Variants in CAMTA1 observed in about 807,000 individuals in gnomAD.
The protein encoded by CAMTA1 is calmodulin binding transcription activator 1.
In CAMTA1, 27 loss-of-function variants were observed where a neutral mutation model predicts 170.9. The observed-to-expected ratio is 0.16, with a 90% CI of 0.12 to 0.22. The LOEUF (loss-of-function observed/expected upper bound fraction) is 0.22. Among genes scored for constraint, CAMTA1 ranks in the 10% least tolerant of loss-of-function variants. The pLI is 1.00. For synonymous variants in CAMTA1, 833 were observed against 891.5 expected, an observed-to-expected ratio of 0.93 and a Z score of 1.17; for missense variants, 1,619 against 2,217.2, an observed-to-expected ratio of 0.73 and a Z score of 5.42.
At chr1:7,059,452 T>C (rs572140115) in intron 3 of CAMTA1, among the ~76,000 whole-genome samples, 3 of 152,074 alleles carry the variant, frequency 2.0e-5, no homozygotes, top group African/African-American at 7.2e-5. Flanking sequence ...ACCCCATCTC[T>C]ACAAAAGATT....
At chr1:7,387,269 C>T (rs2088116495) in intron 5 of CAMTA1, among the ~76,000 whole-genome samples, 1 of 152,132 alleles carries the variant, frequency 6.6e-6, no homozygotes, top group Non-Finnish European at 1.5e-5. Flanking sequence ...AACACCTCTT[C>T]ACCACCATTT....
At chr1:7,472,758 C>G (rs571199262) in intron 6 of CAMTA1, among the ~76,000 whole-genome samples, 1 of 152,130 alleles carries the variant, frequency 6.6e-6, no homozygotes, top group Non-Finnish European at 1.5e-5. Context: ...GCCATCACCC[C>G]CTAGAGCAGG....
At chr1:7,688,011 CTTTTT>C (rs70987364) in intron 11 of CAMTA1, among the ~76,000 whole-genome samples, 1 of 103,276 alleles carries the variant, frequency 9.7e-6, no homozygotes. Context: ...CTCATTATTC[CTTTTT>C]TTTTTTTTTT....
chr1:7,200,233 G>T (rs1013352876), intron 4 of CAMTA1, among the ~76,000 whole-genome samples: 3 of 152,110 alleles, frequency 2.0e-5, no homozygotes, highest in Non-Finnish European at 4.4e-5. Context: ...AAATATTTGA[G>T]AATAGATTGA....
At chr1:6,848,779 C>G (rs900520371) in intron 3 of CAMTA1, among the ~76,000 whole-genome samples, 2 of 152,064 alleles carry the variant, frequency 1.3e-5, no homozygotes, top group Non-Finnish European at 2.9e-5. Flanking sequence ...TTTGTAAATA[C>G]TTAGGGGAGT....
At chr1:7,071,081 T>G (rs963259750) in intron 3 of CAMTA1, among the ~76,000 whole-genome samples, 3 of 152,194 alleles carry the variant, frequency 2.0e-5, no homozygotes, top group Non-Finnish European at 4.4e-5. Context: ...GACTGATGGC[T>G]TGCTTAGGAG....
At chr1:6,796,912 G>A (rs1372290533) in intron 1 of CAMTA1, among the ~76,000 whole-genome samples, 1 of 152,172 alleles carries the variant, frequency 6.6e-6, no homozygotes, top group Non-Finnish European at 1.5e-5. Flanking sequence ...CTCTACTTTC[G>A]TGGGGGATTT....
At chr1:7,312,610 C>T (rs1403322042) in intron 5 of CAMTA1, among the ~76,000 whole-genome samples, 1 of 152,238 alleles carries the variant, frequency 6.6e-6, no homozygotes, top group Non-Finnish European at 1.5e-5. Context: ...AGGATGCTCA[C>T]TCCATCTTGC....
intron 11 of CAMTA1, among the ~76,000 whole-genome samples, chr1:7,687,294 A>G (rs1052721770): frequency 4.6e-5 from 7 of 151,338 alleles, no homozygotes; most frequent in African/African-American, 1.7e-4. Flanking sequence ...TGACCCATGG[A>G]GGCTAAGAAA....
At chr1:6,810,762 C>G (rs540080075) in intron 1 of CAMTA1, among the ~76,000 whole-genome samples, 126 of 152,180 alleles carry the variant, frequency 8.3e-4, no homozygotes, top group African/African-American at 2.9e-3. Context: ...TGAGATCGTG[C>G]CACTGTACTC....
intron 3 of CAMTA1, among the ~76,000 whole-genome samples, chr1:6,950,786 A>G (rs1688353499): frequency 1.3e-5 from 2 of 151,932 alleles, no homozygotes; most frequent in African/African-American, 2.4e-5. Context: ...AGCAGGGAGA[A>G]CAGGTCATAG....
intron 3 of CAMTA1, among the ~76,000 whole-genome samples, chr1:6,949,451 C>T (rs1688101861): frequency 6.6e-6 from 1 of 152,224 alleles, no homozygotes; most frequent in Admixed American, 6.5e-5. Flanking sequence ...CGATGTTGGC[C>T]TCTGTGACTT....
At chr1:6,788,277 T>C (rs1640012317) in intron 1 of CAMTA1, among the ~76,000 whole-genome samples, 1 of 150,324 alleles carries the variant, frequency 6.7e-6, no homozygotes, top group Non-Finnish European at 1.5e-5. Flanking sequence ...TGGAGACTCA[T>C]CCTCCCCAAC....
At position 7,067,237 on chromosome 1, in the gene CAMTA1, C is replaced by T. The variant is rs1709074552; in HGVS notation, c.235-24067C>T. Among the ~76,000 whole-genome samples, 1 of 152,180 alleles carries T rather than the reference C, an allele frequency of 6.6e-6. No individual in the cohort carries two copies. On this transcript the variant is annotated intron_variant, in intron 3 of 22. Coordinates refer to ENST00000303635, the MANE Select transcript of CAMTA1 (RefSeq NM_015215.4). The surrounding 1 kb of genome is among the most constrained non-coding windows in gnomAD (Gnocchi z 4.3). ...AAAGGTGGAAGAGTTATCTCTGCTT[C>T]CTAGGGACGAAGGCCTCTCCCGGGG...
At chr1:7,440,507 T>C (rs944110034) in intron 5 of CAMTA1, among the ~76,000 whole-genome samples, 13 of 152,262 alleles carry the variant, frequency 8.5e-5, no homozygotes, top group Non-Finnish European at 1.5e-4. Flanking sequence ...GTGAATATAT[T>C]TTTTAATAAT....
intron 4 of CAMTA1, among the ~76,000 whole-genome samples, chr1:7,181,922 C>T (rs1042829030): frequency 6.6e-6 from 1 of 151,928 alleles, no homozygotes; most frequent in Non-Finnish European, 1.5e-5. Flanking sequence ...TTAAGAACTA[C>T]TGGGAGGAAT....
rs1447410560 is a variant in CAMTA1 at position 6,965,652 on chromosome 1, A to G, written c.235-125652A>G. Among the ~76,000 whole-genome samples the G allele has an allele frequency of 6.6e-6, 1 of 152,178 alleles. No individual in the cohort carries two copies. Among genetic ancestry groups the G allele is most frequent in the Non-Finnish European group, 1.5e-5 (1 of 68,038 alleles). ...CAACAGTGAGGAGAAAGTCCTGACA[A>G]CAAGTAAAGAAAACTTAGCTGGCAA... On this transcript the variant is annotated intron_variant, in intron 3 of 22. Coordinates refer to ENST00000303635, the MANE Select transcript of CAMTA1 (RefSeq NM_015215.4). This position sits in a 1 kb window ranked among gnomAD's most constrained non-coding sequence, Gnocchi z 4.1.
intron 22 of CAMTA1, among the ~76,000 whole-genome samples, chr1:7,756,372 A>G (rs1437069488): frequency 6.6e-6 from 1 of 152,206 alleles, no homozygotes; most frequent in Non-Finnish European, 1.5e-5. Context: ...ATTTTACATA[A>G]CAAGAGCAGG....
At chr1:7,586,127 G>A (rs2095307653) in intron 6 of CAMTA1, among the ~76,000 whole-genome samples, 1 of 152,008 alleles carries the variant, frequency 6.6e-6, no homozygotes, top group Admixed American at 6.5e-5. Context: ...CTCCCAGCCA[G>A]GCTCCACTCC....
Sources: gnomAD v4.1 joint callset for allele counts (sites outside exome capture counted in the v4.1 genomes callset) on GRCh38, gnomAD v4.1.1 for gene constraint, Gnocchi (gnomAD v3.1) non-coding constraint, MANE v1.5 for transcripts, NCBI Gene and HGNC (gene_info 2026-07-23, HGNC 2026-07-21) for gene names.